Variants in GARRE1 observed in about 807,000 individuals in gnomAD.
GARRE1 encodes the protein granule associated Rac and RHOG effector protein 1.
In GARRE1, 49 loss-of-function variants were observed where a neutral mutation model predicts 103.2. The observed-to-expected ratio is 0.47, with a 90% CI of 0.38 to 0.60. GARRE1 has a LOEUF of 0.60. Ranked by LOEUF, GARRE1 falls within the 20% of genes least tolerant of loss-of-function variation. The pLI is 0.00. For missense variants in GARRE1, 1,199 were observed against 1,370.5 expected, an observed-to-expected ratio of 0.87 and a Z score of 1.98; for synonymous variants, 505 against 532.8, an observed-to-expected ratio of 0.95 and a Z score of 0.72.
intron 2 of GARRE1, among the ~76,000 whole-genome samples, chr19:34,313,022 C>T (rs1008978632): frequency 6.6e-6 from 1 of 152,214 alleles, no homozygotes; most frequent in Non-Finnish European, 1.5e-5. Flanking sequence ...ACCTGGGTCA[C>T]TCACTCCCTG....
At chr19:34,299,608 T>A (rs565713612) in intron 1 of GARRE1, 71 bp from the exon 2 acceptor site, 16 of 152,358 alleles carry the variant, frequency 1.1e-4, no homozygotes, top group African/African-American at 3.8e-4. Flanking sequence ...GTGTGGATAA[T>A]AGCATCACAG....
At position 34,355,539 on chromosome 19, in the gene GARRE1, CT is replaced by C. The variant is rs1399373715; in HGVS notation, c.*2587del. 6.6e-6 allele frequency: 1 copy of C among 152,604 alleles called. No homozygotes were observed. The highest frequency in any genetic ancestry group is 1.5e-5 in the Non-Finnish European group (1 of 68,030). The allele number at this position is 152,604 out of a possible 1,614,324, so 9.5% of individuals were successfully genotyped here. On this transcript the variant is annotated 3_prime_UTR_variant, in exon 14 of 14. Coordinates refer to ENST00000299505, the MANE Select transcript of GARRE1 (RefSeq NM_014686.5). The stretch of plus-strand genomic sequence containing the variant: ...CTCCTATAAGTAAAATAACTATTGG[CT>C]TTATTAAAAATATACATTTAATAAT...
At chr19:34,267,067 C>T (rs117275927) in intron 1 of GARRE1, among the ~76,000 whole-genome samples, 1,673 of 152,208 alleles carry the variant, frequency 0.011, 23 homozygotes, top group Non-Finnish European at 0.014. Context: ...AGTTCGAGAC[C>T]AACCTGAACA....
intron 1 of GARRE1, among the ~76,000 whole-genome samples, chr19:34,285,901 A>G (rs1290806011): frequency 6.6e-6 from 1 of 152,186 alleles, no homozygotes. Context: ...ACTAGTTTAC[A>G]TGTTTTGAAT....
intron 3 of GARRE1, among the ~76,000 whole-genome samples, chr19:34,324,187 C>T (rs1408480535): frequency 6.6e-6 from 1 of 152,180 alleles, no homozygotes; most frequent in Non-Finnish European, 1.5e-5. Context: ...ATGCTTCCCA[C>T]AGAAAAGTCC....
chr19:34,318,044 T>C (rs1669261), intron 2 of GARRE1, among the ~76,000 whole-genome samples: 58,536 of 152,106 alleles, frequency 0.38, 14,376 homozygotes, highest in Non-Finnish European at 0.54. Flanking sequence ...TCGGTTGTTG[T>C]TCCCTCTGGA....
chr19:34,280,098 G>A (rs1184412443), intron 1 of GARRE1, among the ~76,000 whole-genome samples: 1 of 152,154 alleles, frequency 6.6e-6, no homozygotes, highest in Admixed American at 6.6e-5. Flanking sequence ...GCAAAGCGGA[G>A]CAGGCATCTT....
At chr19:34,302,749 T>G (rs1336688362) in intron 2 of GARRE1, among the ~76,000 whole-genome samples, 3 of 151,080 alleles carry the variant, frequency 2.0e-5, no homozygotes, top group Admixed American at 6.6e-5. Flanking sequence ...TTTTTTTTTT[T>G]TTTTTTTTTT....
chr19:34,271,840 CA>C (rs2073790121), intron 1 of GARRE1, among the ~76,000 whole-genome samples: 2 of 150,950 alleles, frequency 1.3e-5, no homozygotes, highest in African/African-American at 4.9e-5. Flanking sequence ...AAAACAAAAA[CA>C]AAAACAAAAA....
rs201753460 is a variant in GARRE1, at chr19:34,330,195, A to G, written c.1111A>G (p.Met371Val). 4.5e-5 allele frequency: 72 copies of G among 1,613,916 alleles called. No homozygotes were observed. In the Admixed American group the frequency reaches 6.0e-4, roughly 13 times the overall value. ...TCTTCTTATCAATCTATAGCATACA[A>G]TGTTACAGCTGATGAAGGAGGCAGG... ...ADNLKLKTHT[M>V]LQLMKEAGCY... The change falls in exon 7 of 14, where the codon ATG becomes GTG. Residue 371 changes from methionine (M) to valine (V), a missense_variant. Physicochemically the swap from Met to Val is conservative, Grantham distance 21. Transcript: ENST00000299505.
Position 34,319,984 on chromosome 19 carries a change from G to A in GARRE1, c.573G>A (p.Pro191=), listed in dbSNP as rs778495001. 18 of 1,614,084 alleles carry A rather than the reference G, an allele frequency of 1.1e-5. No individual in the cohort carries two copies. Among genetic ancestry groups the A allele is most frequent in the East Asian group, 2.2e-5 (1 of 44,896 alleles). The change falls in exon 3 of 14, where the codon CCG becomes CCA. Residue 191 remains proline (P), a synonymous_variant. Coordinates refer to ENST00000299505, the MANE Select transcript of GARRE1 (RefSeq NM_014686.5). ...CTCATGCGTTACAGAAGGTCCAGCC[G>A]GTGGCTCACTCTTGCTTTGCTGAGG... ...FLTHALQKVQ[P]VAHSCFAEVI...
intron 2 of GARRE1, among the ~76,000 whole-genome samples, chr19:34,305,358 A>G (rs2074002931): frequency 6.6e-6 from 1 of 152,266 alleles, no homozygotes; most frequent in East Asian, 1.9e-4. Context: ...TGATAGAGAT[A>G]TGGCAAGACA....
At chr19:34,301,841 C>G (rs1466147345) in intron 2 of GARRE1, among the ~76,000 whole-genome samples, 4 of 151,710 alleles carry the variant, frequency 2.6e-5, no homozygotes, top group South Asian at 2.1e-4. Flanking sequence ...CGCCACCTCA[C>G]CCGGCTAATT....
chr19:34,338,024 G>A lies in GARRE1; in HGVS notation c.1362-1843G>A, dbSNP rs112697359. 8.1e-3 allele frequency among the ~76,000 whole-genome samples: 1,231 copies of A among 152,294 alleles called. 8 individuals carry two copies. The highest frequency in any genetic ancestry group is 0.028 in the African/African-American group (1,147 of 41,560). On this transcript the variant is annotated intron_variant, in intron 8 of 13. Coordinates refer to ENST00000299505, the MANE Select transcript of GARRE1 (RefSeq NM_014686.5). ...CTAGCTGGGCACTAGCAGAGCTTGCGTTGTTGTTCACCCTTTCCAGGCTTC... is the reference window on the plus strand; with the variant it reads ...CTAGCTGGGCACTAGCAGAGCTTGCATTGTTGTTCACCCTTTCCAGGCTTC...
At chr19:34,281,577 C>T (rs934047844) in intron 1 of GARRE1, among the ~76,000 whole-genome samples, 6 of 152,174 alleles carry the variant, frequency 3.9e-5, no homozygotes, top group Non-Finnish European at 2.9e-5. Context: ...TCATGAGCCA[C>T]TGCACCTGGC....
intron 2 of GARRE1, among the ~76,000 whole-genome samples, chr19:34,317,335 T>C (rs1054480115): frequency 2.0e-5 from 3 of 152,222 alleles, no homozygotes; most frequent in African/African-American, 7.2e-5. Flanking sequence ...CCCCATCTTA[T>C]ATATTTATTG....
chr19:34,319,886 C>T (rs539556561), intron 2 of GARRE1, 21 bp from the exon 3 acceptor site: 6 of 1,611,132 alleles, frequency 3.7e-6, no homozygotes, highest in East Asian at 2.2e-5. Context: ...CTAAACATCC[C>T]TGGCTGTCTT....
Position 34,295,045 on chromosome 19 carries a change from C to T in GARRE1, c.-795-4634C>T, listed in dbSNP as rs115213670. ...AGATTCTCCTCCCTCTCCAGATGAGCTCTAAGTCAGGTAAAATACAGAGAT... is the reference window on the plus strand; with the variant it reads ...AGATTCTCCTCCCTCTCCAGATGAGTTCTAAGTCAGGTAAAATACAGAGAT... On this transcript the variant is annotated intron_variant, in intron 1 of 13. Transcript: ENST00000299505. 2.0e-3 allele frequency among the ~76,000 whole-genome samples: 309 copies of T among 152,306 alleles called. 1 individual carries two copies. The highest frequency in any genetic ancestry group is 6.9e-3 in the African/African-American group (288 of 41,558).
chr19:34,351,320 G>C (rs1461024972), intron 12 of GARRE1, among the ~76,000 whole-genome samples, 194 bp from the exon 13 acceptor site: 1 of 152,126 alleles, frequency 6.6e-6, no homozygotes, highest in African/African-American at 2.4e-5. Context: ...TCCTCCACCT[G>C]CACTGGCAGT....
Sources: gnomAD v4.1 joint callset for allele counts (sites outside exome capture counted in the v4.1 genomes callset) on GRCh38, gnomAD v4.1.1 for gene constraint, MANE v1.5 for transcripts, NCBI Gene and HGNC (gene_info 2026-07-23, HGNC 2026-07-21) for gene names.